The following NPC1 variants were observed in gnomAD, a reference collection of about 807,000 sequenced individuals.
NPC1 encodes Niemann-Pick C1 protein.
Under a neutral mutation model 140.4 loss-of-function variants are expected in NPC1, and 85 were observed. The observed-to-expected ratio is 0.61, with a 90% CI of 0.51 to 0.72. The LOEUF (loss-of-function observed/expected upper bound fraction) is 0.72. NPC1 is among the 30% of genes least tolerant of loss of function. The pLI, the probability that NPC1 is intolerant of heterozygous loss-of-function variation, is 0.00. For synonymous variants in NPC1, 656 were observed against 624.8 expected, an observed-to-expected ratio of 1.05 and a Z score of -0.74; for missense variants, 1,504 against 1,623.8, an observed-to-expected ratio of 0.93 and a Z score of 1.27.
intron 23 of NPC1, 66 bp downstream of exon 23, chr18:23,534,380 T>TC: frequency 9.3e-7 from 1 of 1,080,882 alleles, no homozygotes; most frequent in Non-Finnish European, 1.4e-6. Flanking sequence ...TCCAGACTCT[T>TC]CAGTCACTGA....
chr18:23,530,054 A>T (rs2058443072), downstream of NPC1: 1 of 1,614,036 alleles, frequency 6.2e-7, no homozygotes, highest in South Asian at 1.1e-5. Context: ...TTGTTATCAA[A>T]ACCCTTGTCC....
At chr18:23,576,146 C>T (rs1424459198) in intron 1 of NPC1, among the ~76,000 whole-genome samples, 1 of 152,040 alleles carries the variant, frequency 6.6e-6, no homozygotes, top group Non-Finnish European at 1.5e-5. Context: ...ATTGCTTGAA[C>T]CCGAGAGGCG....
chr18:23,548,998 A>G (rs1223270348), intron 10 of NPC1, among the ~76,000 whole-genome samples: 1 of 152,164 alleles, frequency 6.6e-6, no homozygotes, highest in Non-Finnish European at 1.5e-5. Flanking sequence ...CATGTTGCCC[A>G]GGCTGGACTT....
At position 23,543,494 on chromosome 18, in the gene NPC1, A is replaced by G. The variant is rs757705754; in HGVS notation, c.2206T>C (p.Phe736Leu). ...ACAGTCTCAGAAAAGGATGACAGGA[A>G]CATACTGGGAGCCACTTCTCCTAGG... is the stretch of plus-strand genomic sequence containing the variant. ...RVLGEVAPSM[F>L]LSSFSETVAF... Residue 736 changes from phenylalanine to leucine, a missense_variant, in exon 14 of 25, where the codon TTC becomes CTC. Physicochemically the swap from Phe to Leu is conservative, Grantham distance 22. Coordinates refer to ENST00000269228, the MANE Select transcript of NPC1 (RefSeq NM_000271.5). 1.2e-6 allele frequency: 2 copies of G among 1,612,852 alleles called. No individual in the cohort carries two copies. Among genetic ancestry groups the G allele is most frequent in the Admixed American group, 3.3e-5 (2 of 59,996 alleles).
At chr18:23,512,320 C>T (rs1043445891) in intron 3 of NPC1, among the ~76,000 whole-genome samples, 4 of 151,940 alleles carry the variant, frequency 2.6e-5, no homozygotes, top group Admixed American at 6.6e-5. Context: ...CATGCCTGGC[C>T]GAAAGACATT....
intron 4 of NPC1, among the ~76,000 whole-genome samples, chr18:23,565,387 C>T (rs1347729534): frequency 1.3e-5 from 2 of 152,122 alleles, no homozygotes; most frequent in Admixed American, 6.5e-5. Flanking sequence ...GATGGAGTCT[C>T]GCTCTGTCAG....
intron 11 of NPC1, among the ~76,000 whole-genome samples, chr18:23,546,967 G>C (rs756846817): frequency 6.6e-6 from 1 of 152,084 alleles, no homozygotes; most frequent in Non-Finnish European, 1.5e-5. Flanking sequence ...TGAATTGTAC[G>C]CTTTTTTTTC....
chr18:23,558,907 G>A (rs1032138546), intron 6 of NPC1, among the ~76,000 whole-genome samples: 18 of 151,790 alleles, frequency 1.2e-4, no homozygotes, highest in African/African-American at 3.9e-4. Flanking sequence ...GGTGTGTGAC[G>A]TTCCCCTTCC....
In NPC1 at chr18:23,550,479, C is replaced by CTTTTTTTTT. The variant is rs68163205; in HGVS notation, c.1654+1139_1654+1147dup. Among the ~76,000 whole-genome samples, 66 of 74,946 alleles carry CTTTTTTTTT rather than the reference C, an allele frequency of 8.8e-4. 13 individuals are homozygous for CTTTTTTTTT. In the East Asian group the frequency reaches 0.014, roughly 16 times the overall value. The allele number at this position is 74,946 out of a possible 152,430, so 49.2% of individuals were successfully genotyped here. On this transcript the variant is annotated intron_variant, in intron 10 of 24. Coordinates refer to ENST00000269228, the MANE Select transcript of NPC1 (RefSeq NM_000271.5). ...GAATTTTCTTCCAGTTCTTACATTT[C>CTTTTTTTTT]TTTTTTTTTTTTTTTTTTTTGAGAT...
rs145938053 is a variant in NPC1, at chr18:23,564,643, C to T, written c.464-3116G>A. 2.0e-4 allele frequency among the ~76,000 whole-genome samples: 31 copies of T among 152,236 alleles called. No individual in the cohort carries two copies. The East Asian group carries it at 3.1e-3, about 15-fold the overall frequency. Reference sequence around the variant, plus strand: ...CGGCCTTCTTGTCTTTTCTTGATGGCGTCCTCTGAAATACAAACTTTTTTA... The same window carrying T: ...CGGCCTTCTTGTCTTTTCTTGATGGTGTCCTCTGAAATACAAACTTTTTTA... On this transcript the variant is annotated intron_variant, in intron 4 of 24. Coordinates refer to ENST00000269228, the MANE Select transcript of NPC1 (RefSeq NM_000271.5).
chr18:23,584,204 A>T (rs1242773772), intron 1 of NPC1, among the ~76,000 whole-genome samples: 1 of 152,204 alleles, frequency 6.6e-6, no homozygotes, highest in Non-Finnish European at 1.5e-5. Context: ...TGTATTTCAG[A>T]TCTTACACAG....
chr18:23,579,234 T>C (rs1336315726), intron 1 of NPC1, among the ~76,000 whole-genome samples: 1 of 152,200 alleles, frequency 6.6e-6, no homozygotes, highest in Admixed American at 6.5e-5. Context: ...GCCAGAGTAT[T>C]TTCTCACTTT....
intron 1 of NPC1, chr18:23,576,349 G>A (rs2059278874): frequency 3.1e-6 from 1 of 327,712 alleles, no homozygotes; most frequent in Admixed American, 6.5e-5. Flanking sequence ...TTGAACCCAG[G>A]AGGTTGAGGC....
rs998219899 is a variant in NPC1, at chr18:23,586,480, A to G, written c.-137T>C. The stretch of plus-strand genomic sequence containing the variant: ...AGCAGGAGCAGGCGCTGACCGCGGC[A>G]GCAGGCTGCGCGCGCCGGTCAGGAA... On this transcript the variant is annotated 5_prime_UTR_variant, in exon 1 of 25. Transcript: ENST00000269228. 7.0e-7 allele frequency: 1 copy of G among 1,433,004 alleles called. No individual in the cohort carries two copies. Among genetic ancestry groups the G allele is most frequent in the South Asian group, 1.5e-5 (1 of 68,132 alleles). The allele number at this position is 1,433,004 out of a possible 1,614,324, so 88.8% of individuals were successfully genotyped here. A position where few individuals can be genotyped will look rare whatever the true frequency, so the allele number is the denominator to read the frequency against.
chr18:23,556,381 G>C lies in NPC1; in HGVS notation c.1188C>G (p.Asp396Glu), dbSNP rs778856732. Residue 396 changes from aspartate to glutamate, a missense_variant, in exon 8 of 25, where the codon GAC becomes GAG. By Grantham distance (45) the Asp-to-Glu change is conservative (BLOSUM62 2). Transcript: ENST00000269228. Reference sequence around the variant, plus strand: ...TCCGGAAGAAAGGCCCAAAGTGCTGGTCAAAGTACTCTTTTTCCAGGCGAG... The same window carrying C: ...TCCGGAAGAAAGGCCCAAAGTGCTGCTCAAAGTACTCTTTTTCCAGGCGAG... ...SQARLEKEYF[D>E]QHFGPFFRTE... 1.2e-5 allele frequency: 20 copies of C among 1,614,160 alleles called. No homozygotes were observed. The highest frequency in any genetic ancestry group is 1.7e-5 in the Non-Finnish European group (20 of 1,180,022).
At chr18:23,567,307 G>A (rs148704984) in intron 4 of NPC1, among the ~76,000 whole-genome samples, 316 of 152,298 alleles carry the variant, frequency 2.1e-3, no homozygotes, top group Middle Eastern at 6.8e-3. Context: ...ATTTGGTGTT[G>A]AAAGCGTCTT....
intron 7 of NPC1, 74 bp downstream of exon 7, chr18:23,557,043 C>T (rs2058963990): frequency 3.2e-6 from 4 of 1,254,300 alleles, no homozygotes; most frequent in Non-Finnish European, 4.6e-6. Flanking sequence ...TGCTGCAACC[C>T]CACTGAGGAA....
chr18:23,520,026 T>C (rs144890738), downstream of NPC1, among the ~76,000 whole-genome samples: 3 of 152,246 alleles, frequency 2.0e-5, no homozygotes, highest in African/African-American at 7.2e-5. Flanking sequence ...GATAAAAATA[T>C]TAAAAGAGAG....
In NPC1 at chr18:23,534,550, T is replaced by C; in HGVS notation, c.3487A>G (p.Ile1163Val). 6.2e-7 allele frequency: 1 copy of C among 1,613,550 alleles called. No individual in the cohort carries two copies. The highest frequency in any genetic ancestry group is 8.5e-7 in the Non-Finnish European group (1 of 1,179,670). Residue 1163 changes from isoleucine (I) to valine (V), a missense_variant, in exon 23 of 25, where the codon ATC (isoleucine) becomes GTC (valine). By Grantham distance (29) the Ile-to-Val change is conservative. Transcript: ENST00000269228. Reference sequence around the variant, plus strand: ...ATGTGGCTGCAGAACTCCACGGAGATGCCACAGCTCTGAAATAAAGCACTT... The same window carrying C: ...ATGTGGCTGCAGAACTCCACGGAGACGCCACAGCTCTGAAATAAAGCACTT... ...SLVNLVMSCG[I>V]SVEFCSHITR... is the part of the protein sequence containing the mutation.
Sources: allele counts gnomAD v4.1 joint callset (sites outside exome capture counted in the v4.1 genomes callset), GRCh38; gene constraint gnomAD v4.1.1; transcripts MANE v1.5; gene names NCBI Gene and HGNC (gene_info 2026-07-23, HGNC 2026-07-21).